Variants in SGF29 observed in about 807,000 individuals in gnomAD.
SGF29 encodes SAGA complex associated factor 29.
In SGF29, 15 loss-of-function variants were observed where a neutral mutation model predicts 38.1. The observed-to-expected ratio is 0.39, with a 90% CI of 0.26 to 0.61. The LOEUF (loss-of-function observed/expected upper bound fraction) is 0.61. Ranked by LOEUF, SGF29 falls within the 20% of genes least tolerant of loss-of-function variation. SGF29 has a pLI of 0.49. For missense variants in SGF29, 184 were observed against 394.6 expected (o/e 0.47, Z 4.52); for synonymous variants, 151 against 160.8 (o/e 0.94, Z 0.46).
At chr16:28,585,141 T>G in intron 3 of SGF29, 153 bp downstream of exon 3, 2 of 606,788 alleles carry the variant, frequency 3.3e-6, no homozygotes, top group Non-Finnish European at 5.8e-6. Flanking sequence ...TCCGTTAATC[T>G]GGGTGACCTG....
intron 1 of SGF29, among the ~76,000 whole-genome samples, chr16:28,568,168 C>A (rs754728423): frequency 1.2e-4 from 18 of 151,670 alleles, no homozygotes; most frequent in Non-Finnish European, 2.5e-4. Flanking sequence ...CAAAAATTAG[C>A]CAGGCATGGT....
At position 28,591,591 on chromosome 16, in the gene SGF29, C is replaced by T; in HGVS notation, c.767C>T (p.Pro256Leu). 6.2e-7 allele frequency: 1 copy of T among 1,610,084 alleles called. No homozygotes were observed. Among genetic ancestry groups the T allele is most frequent in the Non-Finnish European group, 8.5e-7 (1 of 1,176,332 alleles). ...CCCTCCTGTCTGCCTGCCCCACAGC[C>T]CCAGGATGACTACTCGGTCCTGTTT... is the stretch of plus-strand genomic sequence containing the variant. Reference protein sequence around the residue: ...RALIHAPPQRPQDDYSVLFED... With the variant: ...RALIHAPPQRLQDDYSVLFED... The change falls in exon 10 of 10, where the codon CCC becomes CTC. Residue 256 changes from proline to leucine, a missense_variant and splice_region_variant. Pro to Leu is a moderately conservative substitution (Grantham distance 98). Coordinates refer to ENST00000317058, the MANE Select transcript of SGF29 (RefSeq NM_138414.3).
intron 1 of SGF29, among the ~76,000 whole-genome samples, chr16:28,567,478 T>G (rs934838574): frequency 1.3e-5 from 2 of 152,164 alleles, no homozygotes; most frequent in Admixed American, 6.6e-5. Context: ...CCAAATGGAT[T>G]AAGACAAATT....
In SGF29 at chr16:28,585,782, C is replaced by A. The variant is rs1007950083; in HGVS notation, c.224+62C>A. 3.7e-5 allele frequency: 55 copies of A among 1,470,118 alleles called. 1 individual carries two copies. The African/African-American group carries it at 7.1e-4, about 19-fold the overall frequency. The allele number at this position is 1,470,118 out of a possible 1,614,324, so 91.1% of individuals were successfully genotyped here. On this transcript the variant is annotated intron_variant, in intron 4 of 9. Coordinates refer to ENST00000317058, the MANE Select transcript of SGF29 (RefSeq NM_138414.3). ...CTTTCCTGGGGGCTGGGCTGCAGGTCCATTTGGACCAAGTCCCCAGCCTGC... is the reference window on the plus strand; with the variant it reads ...CTTTCCTGGGGGCTGGGCTGCAGGTACATTTGGACCAAGTCCCCAGCCTGC...
chr16:28,564,746 T>TACAC (rs796399582), intron 1 of SGF29, among the ~76,000 whole-genome samples: 20 of 24,850 alleles, frequency 8.0e-4, no homozygotes, highest in Middle Eastern at 0.014. Context: ...TGTATATATG[T>TACAC]ATATATATGT....
intron 1 of SGF29, among the ~76,000 whole-genome samples, chr16:28,578,913 G>A (rs2046910217): frequency 6.6e-6 from 1 of 152,074 alleles, no homozygotes; most frequent in African/African-American, 2.4e-5. Context: ...CTGCACTCTA[G>A]CCTGGGCGAC....
chr16:28,582,954 A>T (rs1479548935), intron 2 of SGF29, among the ~76,000 whole-genome samples: 1 of 152,180 alleles, frequency 6.6e-6, no homozygotes, highest in African/African-American at 2.4e-5. Context: ...AAATAAAGGA[A>T]AAAAAAGATA....
chr16:28,586,564 C>T (rs1567292638), intron 4 of SGF29, among the ~76,000 whole-genome samples: 1 of 151,830 alleles, frequency 6.6e-6, no homozygotes, highest in African/African-American at 2.4e-5. Flanking sequence ...TTCCTTGAAT[C>T]TCTGCAGGAG....
chr16:28,584,968 G>A lies in SGF29; in HGVS notation c.131G>A (p.Arg44Gln), dbSNP rs1596607013. The A allele has an allele frequency of 1.2e-6, 2 of 1,613,684 alleles. No individual in the cohort carries two copies. Among genetic ancestry groups the A allele is most frequent in the Non-Finnish European group, 1.7e-6 (2 of 1,179,956 alleles). ...GTGAACATCCAGAAGACCCATGAGC[G>A]GATGCAGACAGAGAACAAGAGTGAG... ...NLVNIQKTHE[R>Q]MQTENKISPY... is the part of the protein sequence containing the mutation. The change falls in exon 3 of 10, where the codon CGG (arginine) becomes CAG (glutamine). Residue 44 changes from arginine (R) to glutamine (Q), a missense_variant. By Grantham distance (43) the Arg-to-Gln change is conservative (BLOSUM62 1). Around this residue, in one of 2 missense-constraint regions of SGF29, gnomAD observed 77 missense variants for 117.7 expected, o/e 0.65. Coordinates refer to ENST00000317058, the MANE Select transcript of SGF29 (RefSeq NM_138414.3).
At chr16:28,588,779 C>T (rs1305472340) in intron 4 of SGF29, 4 of 352,054 alleles carry the variant, frequency 1.1e-5, no homozygotes, top group Admixed American at 4.0e-5. Flanking sequence ...CCATATTGGT[C>T]AGGCTGGTCT....
intron 1 of SGF29, among the ~76,000 whole-genome samples, chr16:28,580,478 G>A (rs558551166): frequency 2.6e-5 from 4 of 152,068 alleles, no homozygotes; most frequent in Admixed American, 6.6e-5. Flanking sequence ...GGTGGCTGCC[G>A]GCAGTCCTTG....
At chr16:28,587,603 G>A (rs927803283) in intron 4 of SGF29, among the ~76,000 whole-genome samples, 6 of 152,212 alleles carry the variant, frequency 3.9e-5, no homozygotes, top group African/African-American at 1.4e-4. Flanking sequence ...TGAGTCACAT[G>A]CCCTGGGGCA....
chr16:28,564,876 A>G (rs1440883957), intron 1 of SGF29, among the ~76,000 whole-genome samples: 1 of 150,078 alleles, frequency 6.7e-6, no homozygotes, highest in Non-Finnish European at 1.5e-5. Context: ...GTGAAATCCC[A>G]TGATAGGCCA....
At chr16:28,585,017 G>T (rs745479500) in intron 3 of SGF29, 29 bp downstream of exon 3, 1 of 1,567,226 alleles carries the variant, frequency 6.4e-7, no homozygotes, top group African/African-American at 1.4e-5. Flanking sequence ...GAGAGAAAGG[G>T]GATGAGATGG....
intron 1 of SGF29, among the ~76,000 whole-genome samples, chr16:28,577,544 C>T (rs1260681814): frequency 3.3e-5 from 5 of 152,194 alleles, no homozygotes; most frequent in East Asian, 1.9e-4. Flanking sequence ...CATGTCATAG[C>T]GTGTCTCAGT....
chr16:28,558,380 C>A (rs1291526136), intron 1 of SGF29, among the ~76,000 whole-genome samples: 2 of 151,602 alleles, frequency 1.3e-5, no homozygotes, highest in South Asian at 2.1e-4. Flanking sequence ...TTCCAAAGTG[C>A]TGGGATTACA....
In SGF29 at chr16:28,590,755, A is replaced by C. The variant is rs1373210300; in HGVS notation, c.603-18A>C. On this transcript the variant is annotated intron_variant, in intron 8 of 9. Coordinates refer to ENST00000317058, the MANE Select transcript of SGF29 (RefSeq NM_138414.3). This position sits in a 1 kb window ranked among gnomAD's most constrained non-coding sequence, Gnocchi z 8.2. ...TCCCCACCCGGCCACAGGTTGATAT[A>C]AGCCCCTCTTCCCCCAGGAGACACA... 1 of 1,613,966 alleles carries C rather than the reference A, an allele frequency of 6.2e-7. No individual in the cohort carries two copies. Among genetic ancestry groups the C allele is most frequent in the Admixed American group, 1.7e-5 (1 of 60,008 alleles).
At chr16:28,563,488 G>A (rs945777420) in intron 1 of SGF29, among the ~76,000 whole-genome samples, 2 of 152,172 alleles carry the variant, frequency 1.3e-5, no homozygotes, top group Non-Finnish European at 2.9e-5. Context: ...TCTGTGTGTT[G>A]TGTGTCTATC....
Position 28,563,715 on chromosome 16 carries a change from C to CTTTT in SGF29, c.-16+9638_-16+9641dup, listed in dbSNP as rs11445174. On this transcript the variant is annotated intron_variant, in intron 1 of 9. Transcript: ENST00000317058. ...GTGTGTGTTTTTCTAGAGAAACAGA[C>CTTTT]TTTTTTTTTTTTTTTTTTTTTTTGA... is the stretch of plus-strand genomic sequence containing the variant. 7.5e-4 allele frequency among the ~76,000 whole-genome samples: 61 copies of CTTTT among 80,838 alleles called. 1 individual carries two copies. The highest frequency in any genetic ancestry group is 0.013 in the Middle Eastern group (1 of 80). The allele number at this position is 80,838 out of a possible 152,430, so 53.0% of individuals were successfully genotyped here. A position where few individuals can be genotyped will look rare whatever the true frequency, so the allele number is the denominator to read the frequency against.
Sources: gnomAD v4.1 joint callset for allele counts (sites outside exome capture counted in the v4.1 genomes callset) on GRCh38, gnomAD v4.1.1 for gene constraint, gnomAD v4.1.1 regional missense constraint, Gnocchi (gnomAD v3.1) non-coding constraint, MANE v1.5 for transcripts, NCBI Gene and HGNC (gene_info 2026-07-23, HGNC 2026-07-21) for gene names.